The following SLC6A3 variants were observed in gnomAD, a reference collection of about 807,000 sequenced individuals.
SLC6A3 encodes sodium-dependent dopamine transporter.
A neutral mutation model predicts 70.4 loss-of-function variants in SLC6A3; 19 were observed. The ratio of observed to expected loss-of-function variants is 0.27; its 90% CI spans 0.19 to 0.40. The LOEUF (loss-of-function observed/expected upper bound fraction) is 0.40. Ranked by LOEUF, SLC6A3 falls within the 10% of genes least tolerant of loss-of-function variation. The probability of loss-of-function intolerance (pLI) is 1.00; values close to 1 mark genes in which losing one functional copy is unlikely to be tolerated. For synonymous variants in SLC6A3, 368 were observed against 356.6 expected (o/e 1.03, Z -0.36); for missense variants, 613 against 838.5 (o/e 0.73, Z 3.32).
rs1429554464 is a variant in SLC6A3, at chr5:1,412,149, G to A, written c.1157-794C>T. On this transcript the variant is annotated intron_variant, in intron 8 of 14. Coordinates refer to ENST00000270349, the MANE Select transcript of SLC6A3 (RefSeq NM_001044.5). ...CTTCCAGGCACATGAGGAAGCTGAG[G>A]TCCTCCCACCCTCCCGTGAGGTTAG... Among the ~76,000 whole-genome samples the A allele has an allele frequency of 2.0e-5, 3 of 152,242 alleles. No homozygotes were observed. In the East Asian group the frequency reaches 5.8e-4, roughly 29 times the overall value.
Position 1,442,098 on chromosome 5 carries a change from C to T in SLC6A3, c.287-608G>A, listed in dbSNP as rs1467727168. On this transcript the variant is annotated intron_variant, in intron 2 of 14. Coordinates refer to ENST00000270349, the MANE Select transcript of SLC6A3 (RefSeq NM_001044.5). The surrounding 1 kb of genome is among the most constrained non-coding windows in gnomAD (Gnocchi z 5.0). ...CTGGTCTCAACCTCCTAAATTCCCT[C>T]TGCTCCCCTGGTCTGACTGGAGTGA... 6.6e-6 allele frequency among the ~76,000 whole-genome samples: 1 copy of T among 152,172 alleles called. No homozygotes were observed. The highest frequency in any genetic ancestry group is 1.5e-5 in the Non-Finnish European group (1 of 68,024).
At chr5:1,445,117 G>A (rs1733770167) in intron 1 of SLC6A3, among the ~76,000 whole-genome samples, 1 of 152,178 alleles carries the variant, frequency 6.6e-6, no homozygotes, top group African/African-American at 2.4e-5. Flanking sequence ...CTGGAGCGGG[G>A]CCAGGGGCAG....
At chr5:1,395,115 C>T (rs1022915186) in intron 14 of SLC6A3, among the ~76,000 whole-genome samples, 2 of 152,198 alleles carry the variant, frequency 1.3e-5, no homozygotes, top group African/African-American at 4.8e-5. Context: ...TGTACCCCAG[C>T]GACTTGGGTG....
intron 14 of SLC6A3, 55 bp downstream of exon 14, chr5:1,400,860 C>A (rs1579699347): frequency 4.4e-6 from 6 of 1,364,828 alleles, no homozygotes; most frequent in Non-Finnish European, 6.2e-6. Flanking sequence ...GAACACTGAG[C>A]TTGGGATCAT....
Position 1,443,159 on chromosome 5 carries a change from G to A in SLC6A3, c.39C>T (p.Ser13=), listed in dbSNP as rs761181772. Residue 13 remains serine (S), a synonymous_variant, in exon 2 of 15, where the codon TCC becomes TCT. Coordinates refer to ENST00000270349, the MANE Select transcript of SLC6A3 (RefSeq NM_001044.5). ...KSKCSVGLMS[S]VVAPAKEPNA... Reference sequence around the variant, plus strand: ...TGGGCTCCTTAGCCGGGGCCACCACGGAAGACATGAGTCCCACGGAGCATT... The same window carrying A: ...TGGGCTCCTTAGCCGGGGCCACCACAGAAGACATGAGTCCCACGGAGCATT... 3.1e-5 allele frequency: 50 copies of A among 1,614,110 alleles called. No homozygotes were observed. Among genetic ancestry groups the A allele is most frequent in the South Asian group, 2.2e-4 (20 of 91,094 alleles).
In SLC6A3 at chr5:1,408,487, GGGAAAGGGCAGCCCT is replaced by G. The variant is rs530440443; in HGVS notation, c.1498+524_1498+538del. 1.4e-3 allele frequency among the ~76,000 whole-genome samples: 215 copies of G among 152,242 alleles called. 1 individual carries two copies. In the Middle Eastern group the frequency reaches 0.017, roughly 12 times the overall value. On this transcript the variant is annotated intron_variant, in intron 11 of 14. Coordinates refer to ENST00000270349, the MANE Select transcript of SLC6A3 (RefSeq NM_001044.5). This position sits in a 1 kb window ranked among gnomAD's most constrained non-coding sequence, Gnocchi z 6.4. ...GGTGACTTGGCCAGGTCAGCATGTG[GGGAAAGGGCAGCCCT>G]GGCTCCAGGCTGGGTTTTCTGTTGC...
chr5:1,428,289 G>A (rs563190955), intron 4 of SLC6A3, among the ~76,000 whole-genome samples: 112 of 152,268 alleles, frequency 7.4e-4, no homozygotes, highest in African/African-American at 2.6e-3. Flanking sequence ...GGAATACTTT[G>A]AACTGAATGA....
intron 3 of SLC6A3, among the ~76,000 whole-genome samples, chr5:1,433,054 G>A (rs112542861): frequency 1.3e-5 from 2 of 151,812 alleles, no homozygotes; most frequent in Non-Finnish European, 2.9e-5. Flanking sequence ...GGACACCAAG[G>A]TCACCCCCAG....
intron 5 of SLC6A3, among the ~76,000 whole-genome samples, 169 bp from the exon 6 acceptor site, chr5:1,420,872 G>A (rs142713106): frequency 6.6e-6 from 1 of 152,362 alleles, no homozygotes; most frequent in Non-Finnish European, 1.5e-5. Context: ...GGAGTGAGAA[G>A]GTCAGACACT....
chr5:1,408,414 G>C lies in SLC6A3; in HGVS notation c.1498+612C>G, dbSNP rs1022118153. Among the ~76,000 whole-genome samples the C allele has an allele frequency of 6.6e-6, 1 of 152,058 alleles. No homozygotes were observed. The highest frequency in any genetic ancestry group is 2.4e-5 in the African/African-American group (1 of 41,392). ...GAAGTGAGCTGGCCAGGTAAGCGGAGCTGGCACTCCTGCCCATTTTACAGA... is the reference window on the plus strand; with the variant it reads ...GAAGTGAGCTGGCCAGGTAAGCGGACCTGGCACTCCTGCCCATTTTACAGA... On this transcript the variant is annotated intron_variant, in intron 11 of 14. Coordinates refer to ENST00000270349, the MANE Select transcript of SLC6A3 (RefSeq NM_001044.5). The surrounding 1 kb of genome is among the most constrained non-coding windows in gnomAD (Gnocchi z 6.4).
chr5:1,434,439 C>A (rs2126398370), intron 3 of SLC6A3, among the ~76,000 whole-genome samples: 1 of 152,330 alleles, frequency 6.6e-6, no homozygotes, highest in Middle Eastern at 3.4e-3. Flanking sequence ...TGGGATCCAT[C>A]ATTTATGGGG....
At chr5:1,398,616 A>G (rs976574172) in intron 14 of SLC6A3, among the ~76,000 whole-genome samples, 4 of 152,240 alleles carry the variant, frequency 2.6e-5, no homozygotes, top group Non-Finnish European at 5.9e-5. Flanking sequence ...CTGGGTTTGC[A>G]AAAGACACTT....
At position 1,443,141 on chromosome 5, in the gene SLC6A3, C is replaced by A; in HGVS notation, c.57G>T (p.Lys19Asn). ...GLMSSVVAPA[K>N]EPNAVGPKEV... Reference sequence around the variant, plus strand: ...CCTTCGGGCCCACGGCATTGGGCTCCTTAGCCGGGGCCACCACGGAAGACA... The same window carrying A: ...CCTTCGGGCCCACGGCATTGGGCTCATTAGCCGGGGCCACCACGGAAGACA... The change falls in exon 2 of 15, where the codon AAG (lysine) becomes AAT (asparagine). Residue 19 changes from lysine to asparagine, a missense_variant. By Grantham distance (94) the Lys-to-Asn change is moderately conservative. This residue lies in a region of SLC6A3 where 111 missense variants were observed against 91.6 expected (regional missense o/e 1.21). Transcript: ENST00000270349. 6.2e-7 allele frequency: 1 copy of A among 1,614,242 alleles called. No individual in the cohort carries two copies. Among genetic ancestry groups the A allele is most frequent in the East Asian group, 2.2e-5 (1 of 44,890 alleles).
intron 4 of SLC6A3, among the ~76,000 whole-genome samples, chr5:1,426,531 G>T (rs1024752068): frequency 1.3e-5 from 2 of 152,288 alleles, no homozygotes; most frequent in Non-Finnish European, 1.5e-5. Flanking sequence ...AACAGAGTGA[G>T]ATCCTGTCTC....
intron 7 of SLC6A3, among the ~76,000 whole-genome samples, chr5:1,415,691 T>C (rs939285064): frequency 6.6e-6 from 1 of 151,550 alleles, no homozygotes; most frequent in African/African-American, 2.4e-5. Flanking sequence ...ACGGGGTGCA[T>C]ATGGGATGGG....
intron 8 of SLC6A3, among the ~76,000 whole-genome samples, chr5:1,412,368 C>A (rs1164290961): frequency 6.6e-6 from 1 of 152,226 alleles, no homozygotes; most frequent in Admixed American, 6.5e-5. Flanking sequence ...GATACAGGGG[C>A]CCAGATGGTG....
At chr5:1,422,774 C>T (rs1462246698) in intron 4 of SLC6A3, among the ~76,000 whole-genome samples, 9 of 80,806 alleles carry the variant, frequency 1.1e-4, no homozygotes, top group Admixed American at 2.7e-4. Flanking sequence ...GGGTGCCCAC[C>T]GCTGCCCACA....
intron 4 of SLC6A3, 147 bp downstream of exon 4, chr5:1,432,317 C>T: frequency 2.8e-6 from 2 of 706,802 alleles, no homozygotes; most frequent in Middle Eastern, 3.7e-4. Context: ...TGTGCCCCTC[C>T]AGAGCACTAA....
chr5:1,443,849 TG>T (rs1733738219), intron 1 of SLC6A3, among the ~76,000 whole-genome samples: 1 of 150,482 alleles, frequency 6.6e-6, no homozygotes, highest in African/African-American at 2.4e-5. Context: ...TTTTTGTGTG[TG>T]TTTTTTTGTT....
Sources: gnomAD v4.1 joint callset for allele counts (sites outside exome capture counted in the v4.1 genomes callset) on GRCh38, gnomAD v4.1.1 for gene constraint, gnomAD v4.1.1 regional missense constraint, Gnocchi (gnomAD v3.1) non-coding constraint, MANE v1.5 for transcripts, NCBI Gene and HGNC (gene_info 2026-07-23, HGNC 2026-07-21) for gene names.